SPRY3: variants seen among roughly 807,000 people sequenced by gnomAD.
The protein encoded by SPRY3 is protein sprouty homolog 3.
A neutral mutation model predicts 20.2 loss-of-function variants in SPRY3; 15 were observed. The ratio of observed to expected loss-of-function variants is 0.74; its 90% confidence interval spans 0.50 to 1.14. The LOEUF (loss-of-function observed/expected upper bound fraction) is 1.14, where lower values mean the gene tolerates loss of function less well. Ranked by LOEUF, SPRY3 falls within the 50% of genes most tolerant of loss-of-function variation. SPRY3 has a pLI of 0.00. For synonymous variants in SPRY3, 143 were observed against 136.5 expected (o/e 1.05, Z -0.33); for missense variants, 364 against 363.9 (o/e 1.00, Z 0.00).
chrX:155,640,989 A>G (rs1378121334), intron 1 of SPRY3, among the ~76,000 whole-genome samples: 1 of 111,766 alleles, frequency 8.9e-6, no homozygotes, highest in Non-Finnish European at 1.9e-5. Context: ...TAAAGTGGGC[A>G]TGCTTGTGTT....
intron 3 of SPRY3, 113 bp from the exon 3 acceptor site, chrX:155,773,653 A>C: frequency 3.4e-6 from 2 of 594,378 alleles, no homozygotes; most frequent in Non-Finnish European, 6.0e-6. Context: ...CATGAAGATT[A>C]CTGTAAAGTA....
At position 155,750,373 on chromosome X, in the gene SPRY3, C is replaced by T. The variant is rs1425490113; in HGVS notation, c.-281-17589C>T. On this transcript the variant is annotated intron_variant, in intron 2 of 3. Transcript: ENST00000675360. ...GGATCAGTTGTACCCCAAACCTCAG[C>T]ATCACGCAATATACTCATGTAACAA... is the stretch of plus-strand genomic sequence containing the variant. Among the ~76,000 whole-genome samples, 3 of 151,764 alleles carry T rather than the reference C, an allele frequency of 2.0e-5. No homozygotes were observed. The East Asian group carries it at 5.8e-4, about 29-fold the overall frequency.
intron 2 of SPRY3, among the ~76,000 whole-genome samples, chrX:155,726,775 A>G (rs752164030): frequency 1.3e-5 from 2 of 152,176 alleles, no homozygotes; most frequent in South Asian, 2.1e-4. Context: ...TCTTTATCCA[A>G]TTTGCCAGTC....
At chrX:155,781,962 G>A (rs919071450) in exon 2 of SPRY3, 1 of 166,952 alleles carries the variant, frequency 6.0e-6, no homozygotes, top group African/African-American at 2.4e-5. Flanking sequence ...TGCTGGAATA[G>A]GGATCAAGAG....
intron 2 of SPRY3, among the ~76,000 whole-genome samples, chrX:155,713,802 A>G (rs1479164203): frequency 6.6e-6 from 1 of 151,942 alleles, no homozygotes; most frequent in East Asian, 1.9e-4. Flanking sequence ...CTCTTTCCCT[A>G]CCTTCTCTTT....
chrX:155,781,527 C>A (rs1032337225), downstream of SPRY3: 1 of 166,976 alleles, frequency 6.0e-6, no homozygotes. Context: ...AGTTAGTGAC[C>A]AAGTCAGGAT....
At chrX:155,684,243 A>G (rs949685297) in intron 2 of SPRY3, among the ~76,000 whole-genome samples, 6 of 110,789 alleles carry the variant, frequency 5.4e-5, no homozygotes, top group Non-Finnish European at 1.1e-4. Context: ...AATATTGGAG[A>G]TGTTGAAAAT....
chrX:155,726,002 G>A (rs1022338887), intron 2 of SPRY3, among the ~76,000 whole-genome samples: 16 of 152,124 alleles, frequency 1.1e-4, no homozygotes, highest in Non-Finnish European at 2.2e-4. Flanking sequence ...GTGTCCCAGA[G>A]ATTCTGGTAT....
At chrX:155,768,319 T>C (rs2091358101) in intron 3 of SPRY3, among the ~76,000 whole-genome samples, 183 bp downstream of exon 2, 1 of 152,162 alleles carries the variant, frequency 6.6e-6, no homozygotes, top group African/African-American at 2.4e-5. Flanking sequence ...TTTAAATAAA[T>C]CGGCTCTCGC....
intron 2 of SPRY3, among the ~76,000 whole-genome samples, chrX:155,724,746 C>T (rs995565316): frequency 2.0e-5 from 3 of 152,160 alleles, no homozygotes; most frequent in African/African-American, 4.8e-5. Flanking sequence ...TCTAAATATG[C>T]AATCATGTCA....
chrX:155,739,405 G>A (rs1177666589), intron 2 of SPRY3, among the ~76,000 whole-genome samples: 2 of 152,224 alleles, frequency 1.3e-5, no homozygotes, highest in Non-Finnish European at 2.9e-5. Context: ...AGTCTGGGTG[G>A]TTTGGACGAG....
At chrX:155,684,190 G>T (rs1569562607) in intron 2 of SPRY3, among the ~76,000 whole-genome samples, 1 of 110,619 alleles carries the variant, frequency 9.0e-6, no homozygotes. Flanking sequence ...GAGAGAGGAG[G>T]GGATGTAGTT....
intron 1 of SPRY3, among the ~76,000 whole-genome samples, chrX:155,627,325 G>A (rs2067891476): frequency 8.9e-6 from 1 of 112,061 alleles, no homozygotes; most frequent in Non-Finnish European, 1.9e-5. Context: ...AGATCATGCA[G>A]TATTTGTCTT....
At chrX:155,717,645 G>T (rs1281244251) in intron 2 of SPRY3, among the ~76,000 whole-genome samples, 1 of 151,912 alleles carries the variant, frequency 6.6e-6, no homozygotes, top group Non-Finnish European at 1.5e-5. Flanking sequence ...TTTTGAGTGA[G>T]AACATGTGGT....
chrX:155,625,524 C>T (rs1183645615), intron 1 of SPRY3, among the ~76,000 whole-genome samples: 1 of 111,168 alleles, frequency 9.0e-6, no homozygotes, highest in Non-Finnish European at 1.9e-5. Context: ...TCCTCTCCTT[C>T]CTTACTTTTT....
At chrX:155,705,816 C>A (rs1258063932) in intron 2 of SPRY3, among the ~76,000 whole-genome samples, 4 of 151,208 alleles carry the variant, frequency 2.6e-5, no homozygotes, top group Admixed American at 6.6e-5. Flanking sequence ...AAGACATAAT[C>A]CAAAAGACAT....
intron 2 of SPRY3, among the ~76,000 whole-genome samples, chrX:155,760,876 G>A (rs1288055587): frequency 6.6e-6 from 1 of 152,080 alleles, no homozygotes; most frequent in East Asian, 1.9e-4. Flanking sequence ...ACCGGTCCAT[G>A]GTCTGCGGGC....
At chrX:155,718,250 T>G (rs2091034906) in intron 2 of SPRY3, among the ~76,000 whole-genome samples, 2 of 152,136 alleles carry the variant, frequency 1.3e-5, no homozygotes, top group Non-Finnish European at 2.9e-5. Flanking sequence ...AAATACGATT[T>G]GATAAAAATT....
At chrX:155,767,545 G>A (rs1408599574) in intron 2 of SPRY3, among the ~76,000 whole-genome samples, 2 of 151,468 alleles carry the variant, frequency 1.3e-5, no homozygotes, top group East Asian at 3.9e-4. Context: ...AGGCGGAGGC[G>A]GAGGCGAAAG....
Sources: gnomAD v4.1 joint callset for allele counts (sites outside exome capture counted in the v4.1 genomes callset) on GRCh38, gnomAD v4.1.1 for gene constraint, MANE v1.5 for transcripts, NCBI Gene and HGNC (gene_info 2026-07-23, HGNC 2026-07-21) for gene names.